Variants in MAPT observed in about 807,000 individuals in gnomAD.
The protein encoded by MAPT is microtubule associated protein tau, also known as microtubule-associated protein tau.
In MAPT, 34 loss-of-function variants were observed where a neutral mutation model predicts 67.9. The observed-to-expected ratio is 0.50, with a 90% CI of 0.38 to 0.67. MAPT has a LOEUF of 0.67. MAPT is among the 30% of genes least tolerant of loss of function. The pLI is 0.00. For missense variants in MAPT, 881 were observed against 1,115.2 expected (o/e 0.79, Z 2.99); for synonymous variants, 456 against 464.5 (o/e 0.98, Z 0.23).
At chr17:45,960,540 C>T (rs1040438342) in intron 1 of MAPT, among the ~76,000 whole-genome samples, 3 of 152,208 alleles carry the variant, frequency 2.0e-5, no homozygotes, top group African/African-American at 4.8e-5. Flanking sequence ...CAACAGTAAT[C>T]GTTTCTGGGC....
chr17:46,026,520 T>TG lies in MAPT; in HGVS notation c.*2355dup, dbSNP rs1029954740. ...CAAGAAAAAGGAAGCCACTGCCAGC[T>TG]GGGGGGATCTGCAGCTCCCAGAAGC... On this transcript the variant is annotated 3_prime_UTR_variant, in exon 13 of 13. Transcript: ENST00000262410. The TG allele has an allele frequency of 2.0e-5, 3 of 152,168 alleles. No individual in the cohort carries two copies. The highest frequency in any genetic ancestry group is 7.2e-5 in the African/African-American group (3 of 41,434). 9.4% of individuals were successfully genotyped at this position (152,168 alleles called of 1,614,324 possible). A position where few individuals can be genotyped will look rare whatever the true frequency, so the allele number is the denominator to read the frequency against.
intron 1 of MAPT, among the ~76,000 whole-genome samples, chr17:45,961,446 G>A (rs926520360): frequency 1.2e-4 from 18 of 152,094 alleles, no homozygotes; most frequent in Admixed American, 2.6e-4. Flanking sequence ...GGTGGGTGCC[G>A]GTGTGGTGAA....
intron 9 of MAPT, among the ~76,000 whole-genome samples, chr17:45,998,625 A>C (rs955377169): frequency 1.3e-5 from 2 of 152,146 alleles, no homozygotes; most frequent in Non-Finnish European, 2.9e-5. Flanking sequence ...CTTGTAGTGG[A>C]AGAGGCTCTC....
intron 9 of MAPT, among the ~76,000 whole-genome samples, chr17:45,999,069 T>C (rs555501527): frequency 6.6e-6 from 1 of 152,160 alleles, no homozygotes; most frequent in Non-Finnish European, 1.5e-5. Flanking sequence ...TCCCCGCCCA[T>C]GCACCTCTGG....
chr17:45,997,367 CCT>C (rs2074573812), intron 9 of MAPT, among the ~76,000 whole-genome samples: 1 of 152,204 alleles, frequency 6.6e-6, no homozygotes, highest in African/African-American at 2.4e-5. Context: ...TCTTCCAAGG[CCT>C]CTCTGTGGCC....
Position 45,982,178 on chromosome 17 carries a change from C to T in MAPT, c.287-688C>T, listed in dbSNP as rs555094857. ...TTCTACTAAAAATACAAAAATTAGC[C>T]AGGTGTGGTGGCACGTGCCTGTAAT... On this transcript the variant is annotated intron_variant, in intron 4 of 12. Transcript: ENST00000262410. Among the ~76,000 whole-genome samples, 7 of 151,854 alleles carry T rather than the reference C, an allele frequency of 4.6e-5. No individual in the cohort carries two copies. In the East Asian group the frequency reaches 1.4e-3, roughly 29 times the overall value.
At position 46,028,280 on chromosome 17, in the gene MAPT, CACTG is replaced by C. The variant is rs1269237088; in HGVS notation, c.*4114_*4117del. On this transcript the variant is annotated 3_prime_UTR_variant, in exon 13 of 13. Transcript: ENST00000262410. ...ATTGTGTGTTTTAACAAATGATTTA[CACTG>C]ACTGTTGCTGTAAAAGTGAATTTGG... The C allele has an allele frequency of 1.3e-5, 2 of 152,686 alleles. No homozygotes were observed. The highest frequency in any genetic ancestry group is 1.9e-4 in the East Asian group (1 of 5,180). The allele number at this position is 152,686 out of a possible 1,614,324, so 9.5% of individuals were successfully genotyped here. A position where few individuals can be genotyped will look rare whatever the true frequency, so the allele number is the denominator to read the frequency against.
intron 1 of MAPT, among the ~76,000 whole-genome samples, chr17:45,912,510 C>A (rs969252600): frequency 5.3e-5 from 8 of 152,336 alleles, no homozygotes; most frequent in Admixed American, 1.3e-4. Flanking sequence ...GGACTGCTGG[C>A]AGCTACCAGC....
At chr17:46,019,665 G>A (rs1000056502) in intron 12 of MAPT, among the ~76,000 whole-genome samples, 2 of 151,452 alleles carry the variant, frequency 1.3e-5, no homozygotes, top group Non-Finnish European at 2.9e-5. Flanking sequence ...CACAGTGCTC[G>A]GCCTAAGTCA....
chr17:45,992,144 A>C (rs1422171570), intron 8 of MAPT, among the ~76,000 whole-genome samples: 1 of 152,188 alleles, frequency 6.6e-6, no homozygotes, highest in Non-Finnish European at 1.5e-5. Flanking sequence ...ATGATAAAAA[A>C]AAATACAGAA....
intron 8 of MAPT, among the ~76,000 whole-genome samples, chr17:45,993,082 G>A (rs1055681269): frequency 2.6e-5 from 4 of 152,050 alleles, no homozygotes; most frequent in Middle Eastern, 3.2e-3. Flanking sequence ...CACTTGCTGC[G>A]GGCTGTGACC....
intron 1 of MAPT, among the ~76,000 whole-genome samples, chr17:45,957,795 A>G (rs1014090991): frequency 2.0e-5 from 3 of 152,206 alleles, no homozygotes; most frequent in African/African-American, 7.2e-5. Context: ...AGCAATTTTT[A>G]TAGTTTTGGC....
rs1249824783 is a variant in MAPT at position 45,915,551 on chromosome 17, T to TTG, written c.-18+20874_-18+20875dup. Among the ~76,000 whole-genome samples the TTG allele has an allele frequency of 6.7e-6, 1 of 149,444 alleles. No individual in the cohort carries two copies. Among genetic ancestry groups the TTG allele is most frequent in the Non-Finnish European group, 1.5e-5 (1 of 67,162 alleles). ...TGTGTGGTGTGTGTGAGCATGTGTGTTGTGTGTGTGGTGCATGTGTGTGGC... is the reference window on the plus strand; with the variant it reads ...TGTGTGGTGTGTGTGAGCATGTGTGTTGTGTGTGTGTGGTGCATGTGTGTGGC... On this transcript the variant is annotated intron_variant, in intron 1 of 12. Transcript: ENST00000262410. The surrounding 1 kb of genome is among the most constrained non-coding windows in gnomAD (Gnocchi z 4.4).
At chr17:45,978,110 G>A (rs1464313504) in intron 3 of MAPT, 1 of 509,976 alleles carries the variant, frequency 2.0e-6, no homozygotes, top group Non-Finnish European at 3.6e-6. Flanking sequence ...CAGGACCCTG[G>A]TCCCAAAGTG....
intron 9 of MAPT, among the ~76,000 whole-genome samples, chr17:46,002,938 G>A (rs1321132899): frequency 5.3e-5 from 8 of 151,962 alleles, no homozygotes; most frequent in Non-Finnish European, 1.2e-4. Context: ...TTGCACCACA[G>A]TGCCCAACTA....
intron 1 of MAPT, among the ~76,000 whole-genome samples, chr17:45,926,942 T>G (rs1221438588): frequency 9.3e-6 from 1 of 108,090 alleles, no homozygotes; most frequent in African/African-American, 2.7e-5. Flanking sequence ...TATACACATA[T>G]ATATACATAT....
In MAPT at chr17:46,024,075, T is replaced by A; in HGVS notation, c.2406T>A (p.Asn802Lys). Residue 802 changes from asparagine (N) to lysine (K), a missense_variant, in exon 13 of 13, where the codon AAT becomes AAA. Physicochemically the swap from Asn to Lys is moderately conservative, Grantham distance 94 (BLOSUM62 0). This residue lies in a region of MAPT where 79 missense variants were observed against 150.9 expected (regional missense o/e 0.52). Transcript: ENST00000262410. ...SGDTSPRHLS[N>K]VSSTGSIDMV... Reference sequence around the variant, plus strand: ...ACACGTCTCCACGGCATCTCAGCAATGTCTCCTCCACCGGCAGCATCGACA... The same window carrying A: ...ACACGTCTCCACGGCATCTCAGCAAAGTCTCCTCCACCGGCAGCATCGACA... 6.2e-7 allele frequency: 1 copy of A among 1,614,114 alleles called. No homozygotes were observed. Among genetic ancestry groups the A allele is most frequent in the East Asian group, 2.2e-5 (1 of 44,880 alleles).
intron 6 of MAPT, among the ~76,000 whole-genome samples, chr17:45,988,507 C>G (rs1433495965): frequency 6.6e-6 from 1 of 152,220 alleles, no homozygotes; most frequent in Non-Finnish European, 1.5e-5. Context: ...TCCAGGGCCC[C>G]CCCCAGCCCC....
chr17:45,905,993 A>G (rs893877306), intron 1 of MAPT, among the ~76,000 whole-genome samples: 29 of 152,198 alleles, frequency 1.9e-4, no homozygotes, highest in African/African-American at 6.5e-4. Flanking sequence ...AGCGTCAGTC[A>G]GACGGTGCAG....
Sources: gnomAD v4.1 joint callset for allele counts (sites outside exome capture counted in the v4.1 genomes callset) on GRCh38, gnomAD v4.1.1 for gene constraint, gnomAD v4.1.1 regional missense constraint, Gnocchi (gnomAD v3.1) non-coding constraint, MANE v1.5 for transcripts, NCBI Gene and HGNC (gene_info 2026-07-23, HGNC 2026-07-21) for gene names.